The following BCR variants were observed in gnomAD, a reference collection of about 807,000 sequenced individuals.
The protein encoded by BCR is BCR activator of RhoGEF and GTPase.
In BCR, 58 loss-of-function variants were observed where a neutral mutation model predicts 138.6. The observed-to-expected ratio is 0.42, with a 90% CI of 0.34 to 0.52. The LOEUF is 0.52. Ranked by LOEUF, BCR falls within the 20% of genes least tolerant of loss-of-function variation. The pLI, the probability that BCR is intolerant of heterozygous loss-of-function variation, is 0.06. For synonymous variants in BCR, 786 were observed against 730.1 expected, an observed-to-expected ratio of 1.08 and a Z score of -1.23; for missense variants, 1,599 against 1,727.2, an observed-to-expected ratio of 0.93 and a Z score of 1.32.
At chr22:23,267,893 A>G (rs1037461811) in intron 4 of BCR, among the ~76,000 whole-genome samples, 2 of 152,204 alleles carry the variant, frequency 1.3e-5, no homozygotes, top group Non-Finnish European at 2.9e-5. Context: ...CAGGCCCAGG[A>G]TGGGCTTGTG....
At chr22:23,251,397 C>CCGA (rs1252809421) in intron 1 of BCR, among the ~76,000 whole-genome samples, 2 of 152,192 alleles carry the variant, frequency 1.3e-5, no homozygotes, top group Non-Finnish European at 2.9e-5. Context: ...CCAGGTGTTG[C>CCGA]CGACGTGCAG....
At position 23,312,932 on chromosome 22, in the gene BCR, C is replaced by G. The variant is rs1329305760; in HGVS notation, c.3368C>G (p.Ala1123Gly). 1 of 1,592,830 alleles carries G rather than the reference C, an allele frequency of 6.3e-7. No individual in the cohort carries two copies. Among genetic ancestry groups the G allele is most frequent in the East Asian group, 2.2e-5 (1 of 44,832 alleles). Reference protein sequence around the residue: ...SVMMSEMDVNAIAGTLKLYFR... With the variant: ...SVMMSEMDVNGIAGTLKLYFR... ...ATGATGAGCGAGATGGACGTGAACG[C>G]CATCGCAGGCACGCTGAAGCTGTAC... Residue 1123 changes from alanine to glycine, a missense_variant, in exon 20 of 23, where the codon GCC becomes GGC. This residue lies in a region of BCR where 177 missense variants were observed against 226.4 expected (regional missense o/e 0.78). Coordinates refer to ENST00000305877, the MANE Select transcript of BCR (RefSeq NM_004327.4).
At position 23,289,668 on chromosome 22, in the gene BCR, G is replaced by A. The variant is rs115065689; in HGVS notation, c.2707+47G>A. The stretch of plus-strand genomic sequence containing the variant: ...TACAGGGCACCTGCAGGGAGGGCAG[G>A]CAGCTAGCCTGAAGGCTGATCCCCC... On this transcript the variant is annotated intron_variant, in intron 13 of 22. Coordinates refer to ENST00000305877, the MANE Select transcript of BCR (RefSeq NM_004327.4). 2.6e-3 allele frequency: 3,921 copies of A among 1,520,680 alleles called. 82 individuals carry two copies. The African/African-American group carries it at 0.048, about 19-fold the overall frequency. The allele number at this position is 1,520,680 out of a possible 1,614,324, so 94.2% of individuals were successfully genotyped here.
At chr22:23,189,072 C>T (rs1011148194) in intron 1 of BCR, among the ~76,000 whole-genome samples, 1 of 152,130 alleles carries the variant, frequency 6.6e-6, no homozygotes, top group African/African-American at 2.4e-5. Flanking sequence ...GTTGGCCAGG[C>T]TGGTCTTGAA....
chr22:23,309,299 G>A, intron 16 of BCR, 125 bp from the exon 17 acceptor site: 1 of 876,842 alleles, frequency 1.1e-6, no homozygotes. Context: ...CTGGATGGAG[G>A]TGCTGGCCGC....
chr22:23,273,111 C>T lies in BCR; in HGVS notation c.1952C>T (p.Thr651Met), dbSNP rs770962732. ...CTCTACAAGCCTGTGGACCGTGTGA[C>T]GAGGAGCACGCTGGTCCTCCATGTA... ...TLLYKPVDRV[T>M]RSTLVLHDLL... Residue 651 changes from threonine to methionine, a missense_variant, in exon 7 of 23, where the codon ACG becomes ATG. Transcript: ENST00000305877. 1.3e-5 allele frequency: 21 copies of T among 1,613,462 alleles called. No homozygotes were observed. Among genetic ancestry groups the T allele is most frequent in the East Asian group, 4.5e-5 (2 of 44,878 alleles).
Position 23,235,299 on chromosome 22 carries a change from C to T in BCR, c.1280-18500C>T, listed in dbSNP as rs1013576553. On this transcript the variant is annotated intron_variant, in intron 1 of 22. Transcript: ENST00000305877. ...TTCACCATGCTGGCCAGACTGGTCT[C>T]GAACTCCTGACCTCAAGTGATCCGC... 4.9e-5 allele frequency among the ~76,000 whole-genome samples: 7 copies of T among 143,800 alleles called. 1 individual carries two copies. Among genetic ancestry groups the T allele is most frequent in the African/African-American group, 1.7e-4 (7 of 40,746 alleles). 94.3% of individuals were successfully genotyped at this position (143,800 alleles called of 152,430 possible).
At chr22:23,188,162 A>G (rs2072371008) in intron 1 of BCR, among the ~76,000 whole-genome samples, 2 of 152,158 alleles carry the variant, frequency 1.3e-5, no homozygotes, top group Admixed American at 1.3e-4. Context: ...ATGGAGACAG[A>G]GTGGGCAGAT....
At chr22:23,183,636 A>G (rs1393719187) in intron 1 of BCR, among the ~76,000 whole-genome samples, 1 of 152,240 alleles carries the variant, frequency 6.6e-6, no homozygotes, top group African/African-American at 2.4e-5. Context: ...CCTTGTGGTT[A>G]CTGGGCACCA....
chr22:23,281,592 G>A (rs2073645998), intron 8 of BCR, among the ~76,000 whole-genome samples: 1 of 152,142 alleles, frequency 6.6e-6, no homozygotes, highest in Non-Finnish European at 1.5e-5. Flanking sequence ...CGAGTGACGG[G>A]GACTGCAGAG....
At chr22:23,191,852 G>A (rs1159803392) in intron 1 of BCR, among the ~76,000 whole-genome samples, 4 of 152,184 alleles carry the variant, frequency 2.6e-5, no homozygotes, top group South Asian at 2.1e-4. Context: ...CAGGTGGCCC[G>A]GCGATGAAAC....
chr22:23,224,839 G>A (rs2072869566), intron 1 of BCR, among the ~76,000 whole-genome samples: 2 of 152,078 alleles, frequency 1.3e-5, no homozygotes, highest in South Asian at 2.1e-4. Flanking sequence ...CCGAGATCAC[G>A]CCACTGCACT....
At chr22:23,314,399 A>G (rs1429221323) in intron 21 of BCR, among the ~76,000 whole-genome samples, 153 bp from the exon 22 acceptor site, 1 of 152,166 alleles carries the variant, frequency 6.6e-6, no homozygotes, top group Non-Finnish European at 1.5e-5. Flanking sequence ...GTCCTGGGCC[A>G]CTGAGACCCA....
chr22:23,229,128 T>TCATCTC (rs1392084312), intron 1 of BCR, among the ~76,000 whole-genome samples: 1 of 152,234 alleles, frequency 6.6e-6, no homozygotes, highest in African/African-American at 2.4e-5. Context: ...GACTCCATTG[T>TCATCTC]CATCTCCATT....
chr22:23,280,383 C>T (rs2073630038), intron 8 of BCR, among the ~76,000 whole-genome samples: 1 of 152,230 alleles, frequency 6.6e-6, no homozygotes, highest in Non-Finnish European at 1.5e-5. Context: ...CACAGGGCCT[C>T]AGTTTCCTTG....
At position 23,253,891 on chromosome 22, in the gene BCR, G is replaced by A. The variant is rs2146267687; in HGVS notation, c.1372G>A (p.Asp458Asn). Residue 458 changes from aspartate to asparagine, a missense_variant, in exon 2 of 23, where the codon GAC becomes AAC. Transcript: ENST00000305877. ...RHQDGLPYID[D>N]SPSSSPHLSS... Reference sequence around the variant, plus strand: ...CCAAGATGGGCTGCCCTACATTGATGACTCGCCCTCCTCATCGCCCCACCT... The same window carrying A: ...CCAAGATGGGCTGCCCTACATTGATAACTCGCCCTCCTCATCGCCCCACCT... 6.2e-7 allele frequency: 1 copy of A among 1,613,308 alleles called. No individual in the cohort carries two copies. Among genetic ancestry groups the A allele is most frequent in the East Asian group, 2.2e-5 (1 of 44,884 alleles).
chr22:23,205,436 G>T (rs1190904091), intron 1 of BCR, among the ~76,000 whole-genome samples: 2 of 152,224 alleles, frequency 1.3e-5, no homozygotes, highest in Non-Finnish European at 2.9e-5. Flanking sequence ...GCTTGCAGGA[G>T]AGACAGGATC....
At position 23,289,976 on chromosome 22, in the gene BCR, A is replaced by C. The variant is rs368472436; in HGVS notation, c.2707+355A>C. The C allele has an allele frequency of 2.3e-4, 113 of 502,032 alleles. No individual in the cohort carries two copies. In the East Asian group the frequency reaches 3.4e-3, roughly 15 times the overall value. 31.1% of individuals were successfully genotyped at this position (502,032 alleles called of 1,614,324 possible). ...TACCTGCCAGCCGGCACTTTTGGTC[A>C]AGCTGTTTTGCATTCACTGTTGCAC... On this transcript the variant is annotated intron_variant, in intron 13 of 22. Coordinates refer to ENST00000305877, the MANE Select transcript of BCR (RefSeq NM_004327.4).
chr22:23,304,082 C>T (rs961765422), intron 16 of BCR, among the ~76,000 whole-genome samples: 5 of 149,136 alleles, frequency 3.4e-5, no homozygotes, highest in South Asian at 2.1e-4. Context: ...CACAGGCATG[C>T]GCCACCATGC....
Sources: allele counts gnomAD v4.1 joint callset (sites outside exome capture counted in the v4.1 genomes callset), GRCh38; gene constraint gnomAD v4.1.1; regional missense constraint gnomAD v4.1.1; transcripts MANE v1.5; gene names NCBI Gene and HGNC (gene_info 2026-07-23, HGNC 2026-07-21).